SLC14A2: variants seen among roughly 807,000 people sequenced by gnomAD.
SLC14A2 encodes the protein urea transporter 2.
Under a neutral mutation model 104.6 loss-of-function variants are expected in SLC14A2, and 91 were observed. The ratio of observed to expected loss-of-function variants is 0.87; its 90% CI spans 0.73 to 1.04. The LOEUF (loss-of-function observed/expected upper bound fraction) is 1.04, where lower values mean the gene tolerates loss of function less well. SLC14A2 is among the 50% of genes least tolerant of loss of function. The pLI is 0.00. For synonymous variants in SLC14A2, 476 were observed against 466.4 expected, an observed-to-expected ratio of 1.02 and a Z score of -0.27; for missense variants, 1,189 against 1,156.0, an observed-to-expected ratio of 1.03 and a Z score of -0.41.
chr18:45,413,194 C>T (rs773025154), intron 1 of SLC14A2, among the ~76,000 whole-genome samples: 1 of 152,144 alleles, frequency 6.6e-6, no homozygotes, highest in African/African-American at 2.4e-5. Context: ...TTATCTAATG[C>T]TATCATGTTA....
At chr18:45,429,555 T>C (rs576326785) in intron 1 of SLC14A2, among the ~76,000 whole-genome samples, 1 of 152,332 alleles carries the variant, frequency 6.6e-6, no homozygotes, top group East Asian at 1.9e-4. Flanking sequence ...ATAACTGTGA[T>C]ATGGACAGCA....
At chr18:45,612,187 T>C (rs116991758), upstream of SLC14A2, among the ~76,000 whole-genome samples, 484 of 152,266 alleles carry the variant, frequency 3.2e-3, 4 homozygotes, top group Non-Finnish European at 5.1e-3. Flanking sequence ...ATTTAAGGTG[T>C]TTACTCAGAG....
chr18:45,652,955 C>T lies in SLC14A2; in HGVS notation c.1351+8795C>T, dbSNP rs538783629. 3.3e-5 allele frequency among the ~76,000 whole-genome samples: 5 copies of T among 152,066 alleles called. No homozygotes were observed. In the South Asian group the frequency reaches 1.0e-3, roughly 32 times the overall value. On this transcript the variant is annotated intron_variant, in intron 10 of 19. Coordinates refer to ENST00000255226, the MANE Select transcript of SLC14A2 (RefSeq NM_007163.4). ...ATTTCCTGTCTTTTCAAATTAATGACATATTGCTCACAGGTGGCTCCCTGT... is the reference window on the plus strand; with the variant it reads ...ATTTCCTGTCTTTTCAAATTAATGATATATTGCTCACAGGTGGCTCCCTGT...
At chr18:45,370,260 C>T (rs1003633310) in intron 1 of SLC14A2, among the ~76,000 whole-genome samples, 8 of 152,152 alleles carry the variant, frequency 5.3e-5, no homozygotes, top group African/African-American at 1.9e-4. Context: ...AACCACCCCT[C>T]AGAGTTTTTT....
At chr18:45,580,972 G>A (rs1422996338) in intron 2 of SLC14A2, among the ~76,000 whole-genome samples, 1 of 152,158 alleles carries the variant, frequency 6.6e-6, no homozygotes, top group African/African-American at 2.4e-5. Flanking sequence ...AGGAGGCACA[G>A]TTGTTCTGCA....
chr18:45,506,915 C>A (rs2043295707), intron 2 of SLC14A2, among the ~76,000 whole-genome samples: 1 of 152,166 alleles, frequency 6.6e-6, no homozygotes, highest in Non-Finnish European at 1.5e-5. Flanking sequence ...GAGGACCTGA[C>A]TTTCCTCCCC....
At chr18:45,561,249 G>T (rs2044197347) in intron 2 of SLC14A2, among the ~76,000 whole-genome samples, 1 of 152,170 alleles carries the variant, frequency 6.6e-6, no homozygotes, top group Non-Finnish European at 1.5e-5. Context: ...CAACGTGCCT[G>T]TCGGGGAGCC....
chr18:45,380,265 A>G (rs2085819903), intron 1 of SLC14A2, among the ~76,000 whole-genome samples: 1 of 152,166 alleles, frequency 6.6e-6, no homozygotes, highest in Non-Finnish European at 1.5e-5. Flanking sequence ...ACCTTATGGA[A>G]ATTGTCAATG....
intron 1 of SLC14A2, among the ~76,000 whole-genome samples, chr18:45,391,599 C>G (rs2085966533): frequency 6.6e-6 from 1 of 152,172 alleles, no homozygotes; most frequent in Admixed American, 6.5e-5. Context: ...TGTTTCCTGA[C>G]TTTTTAATGA....
chr18:45,249,987 C>T (rs1568120848), intron 1 of SLC14A2, among the ~76,000 whole-genome samples: 2 of 152,002 alleles, frequency 1.3e-5, no homozygotes, highest in African/African-American at 4.8e-5. Context: ...TTCTATGAAT[C>T]AGAGTCATTG....
chr18:45,320,254 G>A (rs1374629929), intron 1 of SLC14A2, among the ~76,000 whole-genome samples: 1 of 152,178 alleles, frequency 6.6e-6, no homozygotes, highest in East Asian at 1.9e-4. Flanking sequence ...TAGACTGGAT[G>A]ATCTCTAATT....
At chr18:45,326,753 G>A (rs150343892) in intron 1 of SLC14A2, among the ~76,000 whole-genome samples, 9 of 152,314 alleles carry the variant, frequency 5.9e-5, no homozygotes, top group Admixed American at 2.6e-4. Flanking sequence ...CATACAGGTT[G>A]GATGAGTGGA....
At chr18:45,238,272 T>C (rs2084276295) in intron 1 of SLC14A2, among the ~76,000 whole-genome samples, 1 of 152,216 alleles carries the variant, frequency 6.6e-6, no homozygotes, top group South Asian at 2.1e-4. Flanking sequence ...CAGCACTATA[T>C]AGGACACTGA....
chr18:45,675,175 G>A (rs2144655327), intron 18 of SLC14A2, among the ~76,000 whole-genome samples: 1 of 152,334 alleles, frequency 6.6e-6, no homozygotes, highest in South Asian at 2.1e-4. Flanking sequence ...GGAAACATGA[G>A]AATACACTAA....
At chr18:45,660,138 A>C (rs66491243) in intron 10 of SLC14A2, among the ~76,000 whole-genome samples, 19,046 of 152,158 alleles carry the variant, frequency 0.13, 1,353 homozygotes, top group East Asian at 0.25. Flanking sequence ...GTCTCAAAAA[A>C]ATATTAAAAT....
At chr18:45,529,446 GT>G (rs893035980) in intron 2 of SLC14A2, 5 of 151,640 alleles carry the variant, frequency 3.3e-5, no homozygotes, top group Non-Finnish European at 7.4e-5. Context: ...CACCTAGATG[GT>G]TTTCCATAAG....
chr18:45,482,798 A>G (rs1454952860), intron 1 of SLC14A2, among the ~76,000 whole-genome samples: 1 of 152,218 alleles, frequency 6.6e-6, no homozygotes, highest in Non-Finnish European at 1.5e-5. Context: ...GAGTGATCAC[A>G]CAGTTATACA....
intron 2 of SLC14A2, among the ~76,000 whole-genome samples, chr18:45,547,917 A>G (rs1203682494): frequency 6.6e-6 from 1 of 152,186 alleles, no homozygotes; most frequent in Non-Finnish European, 1.5e-5. Context: ...GCCTGGGGTG[A>G]TCAGAGGAGG....
At chr18:45,666,023 G>A (rs1568000843) in intron 11 of SLC14A2, 114 bp from the exon 12 acceptor site, 21 of 714,776 alleles carry the variant, frequency 2.9e-5, no homozygotes, top group Middle Eastern at 2.5e-4. Context: ...TTCCTCAGTA[G>A]GAACAGGAAA....
Sources: gnomAD v4.1 joint callset for allele counts (sites outside exome capture counted in the v4.1 genomes callset) on GRCh38, gnomAD v4.1.1 for gene constraint, MANE v1.5 for transcripts, NCBI Gene and HGNC (gene_info 2026-07-23, HGNC 2026-07-21) for gene names.